Variants in POLE observed in about 807,000 individuals in gnomAD.
The protein encoded by POLE is DNA polymerase epsilon catalytic subunit A.
POLE carries 188 observed loss-of-function variants against 279.2 expected under a neutral mutation model. That is an observed-to-expected ratio of 0.67 (90% CI 0.60 to 0.76). The LOEUF is 0.76. Ranked by LOEUF, POLE falls within the 30% of genes least tolerant of loss-of-function variation. The pLI, the probability that POLE is intolerant of heterozygous loss-of-function variation, is 0.00. For synonymous variants in POLE, 1,214 were observed against 1,172.5 expected, an observed-to-expected ratio of 1.04 and a Z score of -0.72; for missense variants, 2,703 against 3,016.7, an observed-to-expected ratio of 0.90 and a Z score of 2.44.
chr12:132,626,014 C>A (rs2041830693), intron 46 of POLE, 103 bp downstream of exon 46: 1 of 1,214,810 alleles, frequency 8.2e-7, no homozygotes. Context: ...AGAGGGGCAG[C>A]AGGTGTGACC....
chr12:132,676,106 A>G lies in POLE; in HGVS notation c.1008T>C (p.Asn336=), dbSNP rs754405980. 2.5e-6 allele frequency: 4 copies of G among 1,604,508 alleles called. No individual in the cohort carries two copies. In the East Asian group the frequency reaches 8.9e-5, roughly 36 times the overall value. The stretch of plus-strand genomic sequence containing the variant: ...GATACCTCCTTACCTCATCGGGTTC[A>G]TTGAAGACACAAAAGGGGCCTTCAT... ...PEYEGPFCVF[N]EPDEAHLIQR... is the part of the protein sequence containing the mutation. The change falls in exon 10 of 49, where the codon AAT becomes AAC. Residue 336 remains asparagine (N), a synonymous_variant. Transcript: ENST00000320574.
At chr12:132,659,706 T>C in intron 25 of POLE, 197 bp from the exon 26 acceptor site, 2 of 573,158 alleles carry the variant, frequency 3.5e-6, no homozygotes, top group South Asian at 4.1e-5. Context: ...TTTTATATTT[T>C]TTTTGAGACA....
At chr12:132,678,254 G>A (rs1250557209) in intron 6 of POLE, among the ~76,000 whole-genome samples, 1 of 150,998 alleles carries the variant, frequency 6.6e-6, no homozygotes, top group African/African-American at 2.4e-5. Flanking sequence ...CATTTTATAT[G>A]ATGTGAGTTA....
chr12:132,639,065 G>C lies in POLE; in HGVS notation c.5552+60C>G, dbSNP rs933834053. 1 of 1,456,382 alleles carries C rather than the reference G, an allele frequency of 6.9e-7. No homozygotes were observed. The highest frequency in any genetic ancestry group is 9.6e-7 in the Non-Finnish European group (1 of 1,041,024). The allele number at this position is 1,456,382 out of a possible 1,614,324, so 90.2% of individuals were successfully genotyped here. ...GGCTGGCCATGTCTCTGGTTCTGGG[G>C]AGTAAGGGACCAGCCCAGCTGAGGA... On this transcript the variant is annotated intron_variant, in intron 40 of 48. Transcript: ENST00000320574. This position sits in a 1 kb window ranked among gnomAD's most constrained non-coding sequence, Gnocchi z 4.7.
intron 29 of POLE, among the ~76,000 whole-genome samples, chr12:132,654,019 C>A (rs1048866409): frequency 5.3e-5 from 8 of 152,192 alleles, no homozygotes; most frequent in African/African-American, 1.9e-4. Flanking sequence ...CTATTCCCAG[C>A]ATAAGTCCTA....
chr12:132,686,901 A>G (rs992023275), intron 1 of POLE, among the ~76,000 whole-genome samples: 2 of 93,904 alleles, frequency 2.1e-5, no homozygotes, highest in Non-Finnish European at 4.4e-5. Context: ...CCGCGCGTCC[A>G]CCCCGCAGGG....
intron 39 of POLE, among the ~76,000 whole-genome samples, chr12:132,640,622 A>T (rs1222438848): frequency 6.6e-6 from 1 of 152,268 alleles, no homozygotes; most frequent in African/African-American, 2.4e-5. Context: ...ATTCAGCTAA[A>T]GGATTCCAAA....
intron 31 of POLE, 87 bp from the exon 32 acceptor site, chr12:132,649,159 A>G (rs1455165270): frequency 6.5e-7 from 1 of 1,537,666 alleles, no homozygotes; most frequent in Non-Finnish European, 8.8e-7. Context: ...TGCAGCTCCC[A>G]GCACAGGGCC....
chr12:132,661,462 TG>T lies in POLE; in HGVS notation c.2864+64del. 1.9e-6 allele frequency: 3 copies of T among 1,550,682 alleles called. No individual in the cohort carries two copies. The highest frequency in any genetic ancestry group is 2.6e-6 in the Non-Finnish European group (3 of 1,135,882). On this transcript the variant is annotated intron_variant, in intron 24 of 48. Transcript: ENST00000320574. The surrounding 1 kb of genome is among the most constrained non-coding windows in gnomAD (Gnocchi z 4.1). ...CTGGCTCCTGATCCAACCTCCTTTC[TG>T]GGCTAAATTTAATCTATCTCAATCC...
chr12:132,636,274 C>A (rs2042030518), intron 41 of POLE, among the ~76,000 whole-genome samples: 1 of 151,996 alleles, frequency 6.6e-6, no homozygotes, highest in African/African-American at 2.4e-5. Flanking sequence ...GGATGGCCCA[C>A]AGGGTGTTCT....
intron 39 of POLE, 74 bp downstream of exon 39, chr12:132,641,572 AC>A: frequency 1.6e-6 from 2 of 1,285,620 alleles, no homozygotes; most frequent in South Asian, 1.3e-5. Context: ...CCTGTCTTAG[AC>A]CTTAGCTTTC....
chr12:132,668,851 C>A lies in POLE; in HGVS notation c.1883G>T (p.Gly628Val), dbSNP rs769889052. ...ECPLIYHLDVGAMYPNIILTN... is the reference protein window; with the variant it reads ...ECPLIYHLDVVAMYPNIILTN... ...CAGGATGATGTTGGGGTACATGGCC[C>A]CCACGTCCAGGTGGTAGATGAGTGG... is the stretch of plus-strand genomic sequence containing the variant. The change falls in exon 17 of 49, where the codon GGG (glycine) becomes GTG (valine). Residue 628 changes from glycine to valine, a missense_variant. Physicochemically the swap from Gly to Val is moderately radical, Grantham distance 109 (BLOSUM62 -3). Coordinates refer to ENST00000320574, the MANE Select transcript of POLE (RefSeq NM_006231.4). The surrounding 1 kb of genome is among the most constrained non-coding windows in gnomAD (Gnocchi z 4.0). The A allele has an allele frequency of 6.2e-7, 1 of 1,614,112 alleles. No homozygotes were observed. Among genetic ancestry groups the A allele is most frequent in the Non-Finnish European group, 8.5e-7 (1 of 1,180,000 alleles).
At chr12:132,686,010 G>C (rs1461939236) in intron 1 of POLE, among the ~76,000 whole-genome samples, 2 of 151,846 alleles carry the variant, frequency 1.3e-5, no homozygotes, top group Non-Finnish European at 2.9e-5. Flanking sequence ...TGCGTAGCTG[G>C]GATTACAGGC....
chr12:132,651,862 G>A (rs1331381172), intron 29 of POLE, among the ~76,000 whole-genome samples: 1 of 152,256 alleles, frequency 6.6e-6, no homozygotes, highest in East Asian at 1.9e-4. Context: ...CCATGGGAGG[G>A]AGCTCGGAAG....
chr12:132,663,901 G>A (rs2042731385), intron 23 of POLE, 103 bp downstream of exon 23: 4 of 1,228,736 alleles, frequency 3.3e-6, no homozygotes, highest in East Asian at 4.7e-5. Context: ...GCAGTGCTGG[G>A]TGCCAGGAAG....
intron 23 of POLE, among the ~76,000 whole-genome samples, chr12:132,663,371 G>A (rs1384440426): frequency 6.6e-6 from 1 of 152,250 alleles, no homozygotes; most frequent in African/African-American, 2.4e-5. Flanking sequence ...AACACGATGC[G>A]TGTGAGAACG....
chr12:132,649,844 G>C lies in POLE; in HGVS notation c.3628C>G (p.Pro1210Ala). Residue 1210 changes from proline (P) to alanine (A), a missense_variant, in exon 30 of 49, where the codon CCT becomes GCT. By Grantham distance (27) the Pro-to-Ala change is conservative (BLOSUM62 -1). Coordinates refer to ENST00000320574, the MANE Select transcript of POLE (RefSeq NM_006231.4). ...ASEDSPRPSA[P>A]DMEDFGLVKL... is the part of the protein sequence containing the mutation. ...ACGAGGCCGAAGTCCTCCATGTCAG[G>C]AGCACTTGGCCTCGGACTGTCTTCT... is the stretch of plus-strand genomic sequence containing the variant. The C allele has an allele frequency of 6.2e-7, 1 of 1,614,134 alleles. No individual in the cohort carries two copies.
intron 35 of POLE, 68 bp from the exon 36 acceptor site, chr12:132,643,064 C>T: frequency 6.6e-7 from 1 of 1,508,236 alleles, no homozygotes; most frequent in Non-Finnish European, 8.9e-7. Context: ...CTGGGGCAGA[C>T]TCCACCACTG....
rs5744985 is a variant in POLE, at chr12:132,636,607, T to C, written c.5679-583A>G. On this transcript the variant is annotated intron_variant, in intron 41 of 48. Transcript: ENST00000320574. Reference sequence around the variant, plus strand: ...CCTGTCTCTACAAAAAATACAAAAATTGGCTGGGCATGCTGGCATGCACCT... The same window carrying C: ...CCTGTCTCTACAAAAAATACAAAAACTGGCTGGGCATGCTGGCATGCACCT... 5.4e-3 allele frequency among the ~76,000 whole-genome samples: 824 copies of C among 152,026 alleles called. 8 individuals carry two copies. Among genetic ancestry groups the C allele is most frequent in the African/African-American group, 0.019 (770 of 41,488 alleles).
Sources: allele counts gnomAD v4.1 joint callset (sites outside exome capture counted in the v4.1 genomes callset), GRCh38; gene constraint gnomAD v4.1.1; non-coding constraint Gnocchi (gnomAD v3.1); transcripts MANE v1.5; gene names NCBI Gene and HGNC (gene_info 2026-07-23, HGNC 2026-07-21).